The following DENND3 variants were observed in gnomAD, a reference collection of about 807,000 sequenced individuals.
The protein encoded by DENND3 is DENN domain-containing protein 3.
DENND3 carries 88 observed loss-of-function variants against 135.1 expected under a neutral mutation model. The observed-to-expected ratio is 0.65, with a 90% CI of 0.55 to 0.78. The LOEUF (loss-of-function observed/expected upper bound fraction) is 0.78, where lower values mean the gene tolerates loss of function less well. DENND3 is among the 30% of genes least tolerant of loss of function. DENND3 has a pLI of 0.00. For missense variants in DENND3, 1,392 were observed against 1,688.4 expected, an observed-to-expected ratio of 0.82 and a Z score of 3.08; for synonymous variants, 693 against 712.3, an observed-to-expected ratio of 0.97 and a Z score of 0.43.
intron 19 of DENND3, among the ~76,000 whole-genome samples, chr8:141,189,594 T>TG (rs1824415859): frequency 6.6e-6 from 1 of 150,862 alleles, no homozygotes; most frequent in African/African-American, 2.4e-5. Flanking sequence ...GAGGAGGAGG[T>TG]GGGGTCTCCT....
chr8:141,143,878 C>T (rs1817747239), intron 4 of DENND3: 1 of 333,978 alleles, frequency 3.0e-6, no homozygotes, highest in Non-Finnish European at 5.4e-6. Flanking sequence ...TGAACACACA[C>T]ATGTAACTAG....
At position 141,178,075 on chromosome 8, in the gene DENND3, C is replaced by T. The variant is rs1265495318; in HGVS notation, c.2715C>T (p.His905=). 1 of 1,605,874 alleles carries T rather than the reference C, an allele frequency of 6.2e-7. No individual in the cohort carries two copies. The highest frequency in any genetic ancestry group is 1.7e-5 in the Admixed American group (1 of 59,838). Residue 905 remains histidine (H), a synonymous_variant, in exon 16 of 23, where the codon CAC becomes CAT. Transcript: ENST00000519811. ...KKLADDHKDP[H]YVQQALTNVL... ...ACGTGTTTCTGTTGTAGGACCCTCACTACGTCCAGCAGGCGCTGACCAACG... is the reference window on the plus strand; with the variant it reads ...ACGTGTTTCTGTTGTAGGACCCTCATTACGTCCAGCAGGCGCTGACCAACG...
chr8:141,190,183 C>T (rs1824529346), intron 19 of DENND3, 101 bp from the exon 20 acceptor site: 1 of 1,417,306 alleles, frequency 7.1e-7, no homozygotes, highest in Non-Finnish European at 9.2e-7. Flanking sequence ...GTGTTGAGCA[C>T]ATTTTCTCTC....
rs1825227919 is a variant in DENND3, at chr8:141,195,485, T to C, written c.*1252T>C. On this transcript the variant is annotated 3_prime_UTR_variant, in exon 23 of 23. Transcript: ENST00000519811. ...AAGGCGGGCCCGGCCTCCGGTTGGG[T>C]CTGCATTTTGGAGAGTCCACACCAC... The C allele has an allele frequency of 6.6e-6, 1 of 152,262 alleles. No individual in the cohort carries two copies. 9.4% of individuals were successfully genotyped at this position (152,262 alleles called of 1,614,324 possible). A position where few individuals can be genotyped will look rare whatever the true frequency, so the allele number is the denominator to read the frequency against.
chr8:141,136,665 AAG>A lies in DENND3; in HGVS notation c.267_268del (p.Lys90AlafsTer19). ...AACCCGGATGCGCTCCTTGAGAAAG[AAG>A]AGAGAGAAGCCCAGACCAGAGCAGT... ...GKTRMRSLRK[K>X]REKPRPEQWK... is the part of the protein sequence containing the mutation. On this transcript the variant is annotated frameshift_variant, in exon 2 of 23. Coordinates refer to ENST00000519811, the MANE Select transcript of DENND3 (RefSeq NM_001352890.3). LOFTEE classifies it high-confidence loss of function. 2 of 1,613,230 alleles carry A rather than the reference AAG, an allele frequency of 1.2e-6. No individual in the cohort carries two copies. The highest frequency in any genetic ancestry group is 1.3e-5 in the African/African-American group (1 of 75,052).
chr8:141,174,881 G>T lies in DENND3; in HGVS notation c.2276-319G>T, dbSNP rs1006017497. Among the ~76,000 whole-genome samples, 1 of 152,020 alleles carries T rather than the reference G, an allele frequency of 6.6e-6. No individual in the cohort carries two copies. Among genetic ancestry groups the T allele is most frequent in the Non-Finnish European group, 1.5e-5 (1 of 68,036 alleles). On this transcript the variant is annotated intron_variant, in intron 13 of 22. Transcript: ENST00000519811. The surrounding 1 kb of genome is among the most constrained non-coding windows in gnomAD (Gnocchi z 4.6). Reference sequence around the variant, plus strand: ...CCCCATTAGAAGAGTGTCCTTGTCCGGAAGGACTTTCCTACCCAAAGGTAA... The same window carrying T: ...CCCCATTAGAAGAGTGTCCTTGTCCTGAAGGACTTTCCTACCCAAAGGTAA...
rs113098087 is a variant in DENND3 at position 141,175,703 on chromosome 8, T to C, written c.2535+244T>C. The C allele has an allele frequency of 1.8e-6, 1 of 557,826 alleles. No homozygotes were observed. Among genetic ancestry groups the C allele is most frequent in the Non-Finnish European group, 3.2e-6 (1 of 312,794 alleles). 34.6% of individuals were successfully genotyped at this position (557,826 alleles called of 1,614,324 possible). A position where few individuals can be genotyped will look rare whatever the true frequency, so the allele number is the denominator to read the frequency against. On this transcript the variant is annotated intron_variant, in intron 14 of 22. Transcript: ENST00000519811. The surrounding 1 kb of genome is among the most constrained non-coding windows in gnomAD (Gnocchi z 5.4). ...GCATGCTTAGAATGGTAACTGATTCTCTGTCACAGCTGACTTGCATCTGGG... is the reference window on the plus strand; with the variant it reads ...GCATGCTTAGAATGGTAACTGATTCCCTGTCACAGCTGACTTGCATCTGGG...
At position 141,137,531 on chromosome 8, in the gene DENND3, C is replaced by T. The variant is rs1232062368; in HGVS notation, c.386-491C>T. Among the ~76,000 whole-genome samples the T allele has an allele frequency of 2.6e-5, 4 of 152,190 alleles. No homozygotes were observed. Among genetic ancestry groups the T allele is most frequent in the African/African-American group, 4.8e-5 (2 of 41,422 alleles). On this transcript the variant is annotated intron_variant, in intron 2 of 22. Coordinates refer to ENST00000519811, the MANE Select transcript of DENND3 (RefSeq NM_001352890.3). The surrounding 1 kb of genome is among the most constrained non-coding windows in gnomAD (Gnocchi z 4.1). The stretch of plus-strand genomic sequence containing the variant: ...GCCTGAGCCTCTCCCTTCCACCTCC[C>T]GTTTTCCGTTTCACTGGGGCAAGAA...
intron 16 of DENND3, among the ~76,000 whole-genome samples, chr8:141,180,018 G>A (rs973225800): frequency 6.6e-6 from 1 of 152,072 alleles, no homozygotes; most frequent in Non-Finnish European, 1.5e-5. Flanking sequence ...GGCTGTGCCC[G>A]GGGGCCTCCA....
At chr8:141,152,484 G>A (rs768167361) in intron 7 of DENND3, among the ~76,000 whole-genome samples, 1 of 152,126 alleles carries the variant, frequency 6.6e-6, no homozygotes, top group African/African-American at 2.4e-5. Flanking sequence ...TGCTCCATGC[G>A]CTATCCTTCC....
chr8:141,190,281 C>T lies in DENND3; in HGVS notation c.3246-3C>T. On this transcript the variant is annotated splice_polypyrimidine_tract_variant and splice_region_variant and intron_variant, in intron 19 of 22. Coordinates refer to ENST00000519811, the MANE Select transcript of DENND3 (RefSeq NM_001352890.3). The stretch of plus-strand genomic sequence containing the variant: ...GGTGTGTGTGTGTGTTTTGTGCCCC[C>T]AGCAACGTGTACTCGTGCAGCATGG... The T allele has an allele frequency of 6.3e-7, 1 of 1,585,648 alleles. No homozygotes were observed.
chr8:141,193,709 G>A (rs1323381825), intron 22 of DENND3: 6 of 412,188 alleles, frequency 1.5e-5, no homozygotes, highest in African/African-American at 7.9e-5. Context: ...AGTATACATT[G>A]TGAAATAATC....
Position 141,172,092 on chromosome 8 carries a change from TGGTGGTGGGTGTGCAC to T in DENND3, c.2276-3098_2276-3083del, listed in dbSNP as rs919857227. 4.4e-4 allele frequency among the ~76,000 whole-genome samples: 61 copies of T among 138,898 alleles called. 1 individual carries two copies. The East Asian group carries it at 0.012, about 28-fold the overall frequency. 91.1% of individuals were successfully genotyped at this position (138,898 alleles called of 152,430 possible). A position where few individuals can be genotyped will look rare whatever the true frequency, so the allele number is the denominator to read the frequency against. ...CGCTGCATAGGGTGGGTGTGCGCAG[TGGTGGTGGGTGTGCAC>T]GGTGGTGGGCGTGCACGGTGGTGGG... is the stretch of plus-strand genomic sequence containing the variant. On this transcript the variant is annotated intron_variant, in intron 13 of 22. Transcript: ENST00000519811.
intron 13 of DENND3, chr8:141,173,368 G>T (rs1821896252): frequency 6.6e-6 from 1 of 152,224 alleles, no homozygotes; most frequent in South Asian, 2.1e-4. Context: ...CGGGAATCCC[G>T]CCACCTGGTG....
At chr8:141,149,977 C>T (rs1163537535) in intron 5 of DENND3, among the ~76,000 whole-genome samples, 1 of 152,146 alleles carries the variant, frequency 6.6e-6, no homozygotes, top group East Asian at 1.9e-4. Context: ...CCTGTTTTCT[C>T]CCCCCGGCTC....
At chr8:141,192,240 G>A (rs1223199212) in intron 20 of DENND3, 91 bp from the exon 21 acceptor site, 6 of 1,537,626 alleles carry the variant, frequency 3.9e-6, no homozygotes, top group East Asian at 2.3e-5. Context: ...CCATCACCAC[G>A]CTGGAAAGAG....
rs1209141536 is a variant in DENND3 at position 141,141,457 on chromosome 8, C to T, written c.623+133C>T. 1.2e-5 allele frequency: 13 copies of T among 1,066,842 alleles called. No individual in the cohort carries two copies. Among genetic ancestry groups the T allele is most frequent in the African/African-American group, 1.7e-5 (1 of 58,124 alleles). 66.1% of individuals were successfully genotyped at this position (1,066,842 alleles called of 1,614,324 possible). A position where few individuals can be genotyped will look rare whatever the true frequency, so the allele number is the denominator to read the frequency against. ...TTCCTCTCCTGGTGAGCCGGGGGAC[C>T]GGGCGCTGGGGGCAGTAGGAGGGGC... On this transcript the variant is annotated intron_variant, in intron 4 of 22. Coordinates refer to ENST00000519811, the MANE Select transcript of DENND3 (RefSeq NM_001352890.3). The surrounding 1 kb of genome is among the most constrained non-coding windows in gnomAD (Gnocchi z 5.3).
intron 17 of DENND3, 144 bp downstream of exon 17, chr8:141,180,998 G>A: frequency 1.5e-6 from 1 of 648,956 alleles, no homozygotes; most frequent in Non-Finnish European, 2.6e-6. Context: ...TTTCTGAGGT[G>A]AAGTGCTGAG....
intron 5 of DENND3, chr8:141,150,352 A>G (rs1818647116): frequency 1.6e-6 from 2 of 1,261,166 alleles, no homozygotes; most frequent in African/African-American, 3.1e-5. Flanking sequence ...CTTCAAAGTA[A>G]TACATTTAGA....
Sources: gnomAD v4.1 joint callset for allele counts (sites outside exome capture counted in the v4.1 genomes callset) on GRCh38, gnomAD v4.1.1 for gene constraint, Gnocchi (gnomAD v3.1) non-coding constraint, MANE v1.5 for transcripts, NCBI Gene and HGNC (gene_info 2026-07-23, HGNC 2026-07-21) for gene names.